Variants in RBFOX1 observed in about 807,000 individuals in gnomAD.
RBFOX1 encodes RNA binding fox-1 homolog 1.
Under a neutral mutation model 57.7 loss-of-function variants are expected in RBFOX1, and 8 were observed. That is an observed-to-expected ratio of 0.14 (90% CI 0.08 to 0.25). The LOEUF is 0.25. RBFOX1 is among the 10% of genes least tolerant of loss of function. The pLI is 1.00. For missense variants in RBFOX1, 611 were observed against 548.5 expected (o/e 1.11, Z -1.14); for synonymous variants, 326 against 222.4 (o/e 1.47, Z -4.15).
At chr16:7,707,904 C>A (rs1456589183) in intron 14 of RBFOX1, among the ~76,000 whole-genome samples, 1 of 152,120 alleles carries the variant, frequency 6.6e-6, no homozygotes, top group Non-Finnish European at 1.5e-5. Flanking sequence ...GAATCTATTC[C>A]AGTATCAGCT....
chr16:6,814,525 A>C (rs1179855301), intron 3 of RBFOX1, among the ~76,000 whole-genome samples: 1 of 152,170 alleles, frequency 6.6e-6, no homozygotes, highest in Non-Finnish European at 1.5e-5. Flanking sequence ...CAAATTAATA[A>C]TGACAATCCT....
At chr16:7,502,275 G>C (rs4787036) in intron 4 of RBFOX1, among the ~76,000 whole-genome samples, 228 of 152,142 alleles carry the variant, frequency 1.5e-3, no homozygotes, top group African/African-American at 5.3e-3. Flanking sequence ...ACTATGTGCG[G>C]AAGAAAAAGA....
At chr16:6,295,109 T>TG (rs2077939313) in intron 1 of RBFOX1, among the ~76,000 whole-genome samples, 21 of 128,628 alleles carry the variant, frequency 1.6e-4, no homozygotes, top group South Asian at 5.7e-4. Flanking sequence ...GTTTTTTTTT[T>TG]TTTTTTTTTT....
chr16:6,980,658 A>T (rs889953487), intron 3 of RBFOX1, among the ~76,000 whole-genome samples: 1 of 152,192 alleles, frequency 6.6e-6, no homozygotes, highest in Non-Finnish European at 1.5e-5. Context: ...CTCAAGGAAG[A>T]ACACAATACA....
At chr16:5,955,678 T>G (rs919957462) in intron 4 of RBFOX1, among the ~76,000 whole-genome samples, 2 of 152,152 alleles carry the variant, frequency 1.3e-5, no homozygotes, top group Non-Finnish European at 2.9e-5. Context: ...TTCACCACAT[T>G]GAGATTTTAA....
intron 1 of RBFOX1, among the ~76,000 whole-genome samples, chr16:5,318,868 C>T (rs2064317427): frequency 6.6e-6 from 1 of 152,130 alleles, no homozygotes; most frequent in Non-Finnish European, 1.5e-5. Flanking sequence ...CATGGTGGCT[C>T]ATGCCTGTAA....
intron 3 of RBFOX1, among the ~76,000 whole-genome samples, chr16:5,766,807 A>G: frequency 6.6e-6 from 1 of 152,134 alleles, no homozygotes; most frequent in Non-Finnish European, 1.5e-5. Context: ...TTCTGCCCTC[A>G]AGGCCCTCTG....
At chr16:6,685,103 C>T (rs949117770) in intron 3 of RBFOX1, among the ~76,000 whole-genome samples, 1 of 152,104 alleles carries the variant, frequency 6.6e-6, no homozygotes, top group African/African-American at 2.4e-5. Context: ...TCCCTATTTC[C>T]TGTCCAGAAA....
intron 3 of RBFOX1, among the ~76,000 whole-genome samples, chr16:5,722,860 T>G (rs1054888806): frequency 2.0e-5 from 3 of 152,212 alleles, no homozygotes; most frequent in Admixed American, 6.5e-5. Context: ...CTCTGCCACT[T>G]AACTTTTTCT....
At chr16:5,250,758 G>C (rs999149820) in intron 1 of RBFOX1, among the ~76,000 whole-genome samples, 1 of 152,142 alleles carries the variant, frequency 6.6e-6, no homozygotes, top group Non-Finnish European at 1.5e-5. Context: ...ACCACGCTTC[G>C]TTTAACCAGC....
At chr16:6,928,207 T>C (rs1356974516) in intron 3 of RBFOX1, among the ~76,000 whole-genome samples, 2 of 152,178 alleles carry the variant, frequency 1.3e-5, no homozygotes, top group Non-Finnish European at 2.9e-5. Context: ...GATTGATGTC[T>C]GGGTACTGCC....
chr16:5,900,521 G>C (rs1014335513), intron 4 of RBFOX1, among the ~76,000 whole-genome samples: 1 of 152,112 alleles, frequency 6.6e-6, no homozygotes, highest in African/African-American at 2.4e-5. Context: ...CCCCAGAGTA[G>C]AAATCCACCA....
At chr16:7,124,941 G>A (rs1295456598) in intron 4 of RBFOX1, among the ~76,000 whole-genome samples, 1 of 152,084 alleles carries the variant, frequency 6.6e-6, no homozygotes, top group Non-Finnish European at 1.5e-5. Context: ...GGAAGAAGTG[G>A]TGCCATTAGC....
At chr16:6,085,120 C>T (rs1449893934) in intron 1 of RBFOX1, among the ~76,000 whole-genome samples, 2 of 152,140 alleles carry the variant, frequency 1.3e-5, no homozygotes, top group Non-Finnish European at 2.9e-5. Context: ...GTCTTTCCTT[C>T]AGGGGCTTAT....
intron 2 of RBFOX1, among the ~76,000 whole-genome samples, chr16:5,504,815 G>A (rs530754127): frequency 6.6e-5 from 10 of 152,208 alleles, no homozygotes; most frequent in Non-Finnish European, 1.3e-4. Context: ...GCCATGAGCG[G>A]TGACGTTGGA....
chr16:7,585,918 A>AC (rs2094095584), intron 6 of RBFOX1, among the ~76,000 whole-genome samples: 1 of 151,244 alleles, frequency 6.6e-6, no homozygotes, highest in Non-Finnish European at 1.5e-5. Flanking sequence ...ATCCTGCCCC[A>AC]CCCCTCACCC....
At position 6,154,009 on chromosome 16, in the gene RBFOX1, G is replaced by C. The variant is rs148824173; in HGVS notation, c.-127+134017G>C. 5.9e-4 allele frequency among the ~76,000 whole-genome samples: 90 copies of C among 152,328 alleles called. 3 individuals are homozygous for C. The East Asian group carries it at 0.017, about 28-fold the overall frequency. On this transcript the variant is annotated intron_variant, in intron 1 of 15. Coordinates refer to ENST00000550418, the MANE Select transcript of RBFOX1 (RefSeq NM_018723.4). ...AAATGGGTATAGTTATATCTGGTTTGAATAGAGGCTGTGGGTTCAAAATGA... is the reference window on the plus strand; with the variant it reads ...AAATGGGTATAGTTATATCTGGTTTCAATAGAGGCTGTGGGTTCAAAATGA...
intron 5 of RBFOX1, among the ~76,000 whole-genome samples, chr16:7,556,849 A>G (rs1460004108): frequency 6.6e-6 from 1 of 152,228 alleles, no homozygotes; most frequent in African/African-American, 2.4e-5. Context: ...TGAATCAGAT[A>G]TAAAGGTTGT....
chr16:7,627,766 C>T (rs1008705055), intron 10 of RBFOX1, among the ~76,000 whole-genome samples: 3 of 152,088 alleles, frequency 2.0e-5, no homozygotes, highest in African/African-American at 7.2e-5. Context: ...TTCAAAGCGT[C>T]CTTTTAAGAA....
Sources: gnomAD v4.1 joint callset for allele counts (sites outside exome capture counted in the v4.1 genomes callset) on GRCh38, gnomAD v4.1.1 for gene constraint, MANE v1.5 for transcripts, NCBI Gene and HGNC (gene_info 2026-07-23, HGNC 2026-07-21) for gene names.